Variants in HDAC9 observed in about 807,000 individuals in gnomAD.
HDAC9 encodes the protein MEF-2 interacting transcription repressor (MITR) protein.
A neutral mutation model predicts 139.4 loss-of-function variants in HDAC9; 41 were observed. That is an observed-to-expected ratio of 0.29 (90% CI 0.23 to 0.38). HDAC9 has a LOEUF of 0.38. Ranked by LOEUF, HDAC9 falls within the 10% of genes least tolerant of loss-of-function variation. The pLI, the probability that HDAC9 is intolerant of heterozygous loss-of-function variation, is 1.00. For missense variants in HDAC9, 1,147 were observed against 1,297.0 expected (o/e 0.88, Z 1.78); for synonymous variants, 517 against 476.2 (o/e 1.09, Z -1.12).
chr7:18,400,932 A>C (rs905552323), intron 1 of HDAC9, among the ~76,000 whole-genome samples: 1 of 152,200 alleles, frequency 6.6e-6, no homozygotes, highest in South Asian at 2.1e-4. Context: ...GAGCTATCAG[A>C]AGCTAAATAA....
chr7:18,239,190 C>T (rs369575317), intron 2 of HDAC9, among the ~76,000 whole-genome samples: 2 of 151,994 alleles, frequency 1.3e-5, no homozygotes, highest in Admixed American at 6.6e-5. Flanking sequence ...ATCCCTGGCA[C>T]ACTGGAGAAA....
chr7:18,990,507 C>T (rs1014521749), intron 25 of HDAC9, among the ~76,000 whole-genome samples: 4 of 152,242 alleles, frequency 2.6e-5, no homozygotes, highest in Non-Finnish European at 4.4e-5. Context: ...TTTTGTTTGT[C>T]TGTGCCCTGC....
intron 14 of HDAC9, among the ~76,000 whole-genome samples, chr7:18,753,941 G>A (rs1788664005): frequency 6.6e-6 from 1 of 152,042 alleles, no homozygotes; most frequent in Admixed American, 6.6e-5. Flanking sequence ...GTTAAGAGTA[G>A]ACTAAATTTT....
In HDAC9 at chr7:18,488,695, C is replaced by T. The variant is rs563586617; in HGVS notation, c.-41-7567C>T. 5.9e-5 allele frequency among the ~76,000 whole-genome samples: 9 copies of T among 152,130 alleles called. No homozygotes were observed. In the South Asian group the frequency reaches 1.9e-3, roughly 32 times the overall value. On this transcript the variant is annotated intron_variant, in intron 1 of 3. Transcript: ENST00000413509. ...GTTACTAGTAGTACAAGGTTCATTA[C>T]TGTAAAGCAGAGTTACAAACACATT...
intron 21 of HDAC9, 132 bp downstream of exon 21, chr7:18,836,129 A>G (rs912352490): frequency 1.8e-6 from 1 of 554,690 alleles, no homozygotes; most frequent in Non-Finnish European, 3.1e-6. Context: ...AAGAATATGT[A>G]TAAGAAGAAA....
chr7:18,131,809 A>G (rs544373660), intron 1 of HDAC9, among the ~76,000 whole-genome samples: 25 of 152,176 alleles, frequency 1.6e-4, no homozygotes, highest in Non-Finnish European at 2.2e-4. Flanking sequence ...TCAGGCAGTC[A>G]TGTTCACACA....
At chr7:18,922,686 G>T (rs538298592) in intron 22 of HDAC9, among the ~76,000 whole-genome samples, 5 of 152,196 alleles carry the variant, frequency 3.3e-5, no homozygotes, top group African/African-American at 1.2e-4. Context: ...ACAAAGCAAA[G>T]TCCAGAGATG....
chr7:18,673,257 T>G (rs1310518718), intron 12 of HDAC9, among the ~76,000 whole-genome samples: 1 of 151,928 alleles, frequency 6.6e-6, no homozygotes, highest in Non-Finnish European at 1.5e-5. Flanking sequence ...GTAGCCTGAG[T>G]GACAAAACAA....
At position 18,268,034 on chromosome 7, in the gene HDAC9, T is replaced by C. The variant is rs180755012; in HGVS notation, c.25+105685T>C. Among the ~76,000 whole-genome samples, 93 of 152,254 alleles carry C rather than the reference T, an allele frequency of 6.1e-4. 1 individual carries two copies. The East Asian group carries it at 0.012, about 19-fold the overall frequency. Reference sequence around the variant, plus strand: ...GCACCCTGACTTAACACAATCTTAATTGATGTTGGTGCTACTCAGTTATTG... The same window carrying C: ...GCACCCTGACTTAACACAATCTTAACTGATGTTGGTGCTACTCAGTTATTG... On this transcript the variant is annotated intron_variant, in intron 2 of 12. Coordinates refer to the HDAC9 transcript ENST00000417496.
At chr7:18,563,684 T>C (rs1008485450) in intron 2 of HDAC9, among the ~76,000 whole-genome samples, 1 of 152,064 alleles carries the variant, frequency 6.6e-6, no homozygotes, top group Admixed American at 6.6e-5. Flanking sequence ...CTCTATATCT[T>C]TGGTATGTTT....
chr7:18,124,854 G>T (rs960238123), intron 1 of HDAC9, among the ~76,000 whole-genome samples: 27 of 151,618 alleles, frequency 1.8e-4, no homozygotes, highest in Non-Finnish European at 3.2e-4. Flanking sequence ...GATCCCAAAA[G>T]GAACAGATGA....
chr7:18,592,840 C>T (rs1343331653), intron 5 of HDAC9, among the ~76,000 whole-genome samples: 1 of 152,102 alleles, frequency 6.6e-6, no homozygotes, highest in Non-Finnish European at 1.5e-5. Flanking sequence ...TTACCTAAAA[C>T]TACACACATA....
chr7:18,791,630 T>C (rs959477394), intron 16 of HDAC9, among the ~76,000 whole-genome samples: 5 of 152,184 alleles, frequency 3.3e-5, no homozygotes, highest in African/African-American at 1.2e-4. Flanking sequence ...TGATAGGGGA[T>C]GCTGGCTCCT....
chr7:18,762,527 CA>C (rs754282087), intron 15 of HDAC9, among the ~76,000 whole-genome samples: 35 of 152,248 alleles, frequency 2.3e-4, no homozygotes, highest in Non-Finnish European at 4.4e-4. Context: ...AACATTTGTA[CA>C]ATGTGTTTTT....
At chr7:18,185,749 T>C (rs1554325869) in intron 2 of HDAC9, among the ~76,000 whole-genome samples, 1 of 152,204 alleles carries the variant, frequency 6.6e-6, no homozygotes, top group Non-Finnish European at 1.5e-5. Context: ...TGTACATTAA[T>C]TTCCAAATGA....
At chr7:18,439,671 G>T (rs938083689) in intron 1 of HDAC9, among the ~76,000 whole-genome samples, 61 of 152,202 alleles carry the variant, frequency 4.0e-4, no homozygotes, top group Middle Eastern at 3.4e-3. Context: ...TCAATTTAGT[G>T]GTTTGAAACT....
At chr7:18,863,410 C>G (rs539383790) in intron 21 of HDAC9, among the ~76,000 whole-genome samples, 5 of 152,162 alleles carry the variant, frequency 3.3e-5, no homozygotes, top group Non-Finnish European at 5.9e-5. Flanking sequence ...AACACAAATT[C>G]GTAAACTTTC....
chr7:18,797,696 G>A (rs1353698764), intron 17 of HDAC9, among the ~76,000 whole-genome samples: 2 of 151,976 alleles, frequency 1.3e-5, no homozygotes, highest in Non-Finnish European at 2.9e-5. Flanking sequence ...AGGTGTGTTG[G>A]CAGGCGCCTG....
intron 2 of HDAC9, among the ~76,000 whole-genome samples, chr7:18,188,482 A>G (rs1403109650): frequency 1.3e-5 from 2 of 152,242 alleles, no homozygotes; most frequent in African/African-American, 2.4e-5. Context: ...TTGCAACAAA[A>G]GCCAAAATTG....
Sources: gnomAD v4.1 joint callset for allele counts (sites outside exome capture counted in the v4.1 genomes callset) on GRCh38, gnomAD v4.1.1 for gene constraint, MANE v1.5 for transcripts, NCBI Gene and HGNC (gene_info 2026-07-23, HGNC 2026-07-21) for gene names.